LRRC23: variants seen among roughly 807,000 people sequenced by gnomAD.
LRRC23 encodes leucine-rich repeat-containing protein 23.
In LRRC23, 28 loss-of-function variants were observed where a neutral mutation model predicts 37.7. The ratio of observed to expected loss-of-function variants is 0.74; its 90% CI spans 0.55 to 1.02. The LOEUF is 1.02. Among genes scored for constraint, LRRC23 ranks in the 50% least tolerant of loss-of-function variants. The pLI is 0.00. For synonymous variants in LRRC23, 161 were observed against 165.4 expected (o/e 0.97, Z 0.20); for missense variants, 377 against 413.2 (o/e 0.91, Z 0.76).
rs368824546 is a variant in LRRC23, at chr12:6,909,839, T to C, written c.622-51T>C. 7 of 1,547,152 alleles carry C rather than the reference T, an allele frequency of 4.5e-6. No homozygotes were observed. In the African/African-American group the frequency reaches 6.9e-5, roughly 15 times the overall value. On this transcript the variant is annotated intron_variant, in intron 5 of 7. Transcript: ENST00000443597. ...TTTATCTCATTCTGACTTCTCTTTC[T>C]TCCCTATCCCTGCTCCCTCTCAATC...
At chr12:6,908,322 C>T (rs961134068) in intron 5 of LRRC23, among the ~76,000 whole-genome samples, 6 of 152,086 alleles carry the variant, frequency 3.9e-5, no homozygotes, top group East Asian at 1.9e-4. Flanking sequence ...TCAGGCCGGG[C>T]GCGGTGGCTC....
chr12:6,913,840 G>A, intron 7 of LRRC23, 51 bp from the exon 8 acceptor site: 12 of 1,403,634 alleles, frequency 8.5e-6, no homozygotes, highest in Non-Finnish European at 1.2e-5. Flanking sequence ...TGGGATTACA[G>A]GGGTGAGCCA....
intron 5 of LRRC23, among the ~76,000 whole-genome samples, chr12:6,908,613 A>AAACAAAAAAC (rs1945011057): frequency 1.7e-5 from 2 of 118,270 alleles, no homozygotes; most frequent in African/African-American, 8.1e-5. Flanking sequence ...AAAAAAAAAA[A>AAACAAAAAAC]AAAAAAACCA....
rs782183377 is a variant in LRRC23, at chr12:6,913,012, C to G, written c.*9C>G. ...AACAGTCATTGATCTAGCAGCAGTTCTAGCCTCTAAAGATAGTAAGGAAGC... is the reference window on the plus strand; with the variant it reads ...AACAGTCATTGATCTAGCAGCAGTTGTAGCCTCTAAAGATAGTAAGGAAGC... On this transcript the variant is annotated 3_prime_UTR_variant, in exon 7 of 8. Transcript: ENST00000443597. The G allele has an allele frequency of 1.2e-6, 2 of 1,612,708 alleles. No homozygotes were observed. The highest frequency in any genetic ancestry group is 1.3e-5 in the African/African-American group (1 of 74,812).
chr12:6,913,203 G>A, intron 7 of LRRC23, 176 bp downstream of exon 7: 3 of 633,086 alleles, frequency 4.7e-6, no homozygotes, highest in Non-Finnish European at 8.1e-6. Context: ...CAAGGGGCCT[G>A]GGACCAGCTG....
chr12:6,909,791 A>G (rs1945113917), intron 5 of LRRC23, 99 bp from the exon 6 acceptor site: 3 of 1,160,286 alleles, frequency 2.6e-6, no homozygotes. Context: ...CTCCCTCTCT[A>G]CCTCTTGGAT....
intron 7 of LRRC23, among the ~76,000 whole-genome samples, chr12:6,913,555 G>GTTTTTTTTTTTT (rs869177982): frequency 1.4e-4 from 11 of 76,362 alleles, no homozygotes; most frequent in South Asian, 4.7e-4. Flanking sequence ...ACCTCTGTTT[G>GTTTTTTTTTTTT]TTTTTTTTTT....
Position 6,908,368 on chromosome 12 carries a change from G to A in LRRC23, c.621+923G>A, listed in dbSNP as rs911066189. On this transcript the variant is annotated intron_variant, in intron 5 of 7. Coordinates refer to ENST00000443597, the MANE Select transcript of LRRC23 (RefSeq NM_001135217.2). ...TCCCAGCACTTTGGGAGGCTGAGGCGGGCGGATCACCTGAGGTCCGGAGTT... is the reference window on the plus strand; with the variant it reads ...TCCCAGCACTTTGGGAGGCTGAGGCAGGCGGATCACCTGAGGTCCGGAGTT... Among the ~76,000 whole-genome samples, 38 of 151,748 alleles carry A rather than the reference G, an allele frequency of 2.5e-4. 1 individual carries two copies. The highest frequency in any genetic ancestry group is 5.0e-4 in the Non-Finnish European group (34 of 67,922).
Position 6,905,581 on chromosome 12 carries a change from T to C in LRRC23, c.-49-4T>C. 6.3e-7 allele frequency: 1 copy of C among 1,598,864 alleles called. No individual in the cohort carries two copies. On this transcript the variant is annotated splice_polypyrimidine_tract_variant and splice_region_variant and intron_variant, in intron 1 of 7. Transcript: ENST00000443597. ...GCAGAAGCTGATGAGACCTTCTTTTTCAGGAGGAGGACTGAGCTTATCTGA... is the reference window on the plus strand; with the variant it reads ...GCAGAAGCTGATGAGACCTTCTTTTCCAGGAGGAGGACTGAGCTTATCTGA...
chr12:6,913,721 C>A, intron 7 of LRRC23, 170 bp from the exon 8 acceptor site: 2 of 473,730 alleles, frequency 4.2e-6, no homozygotes, highest in Non-Finnish European at 7.4e-6. Flanking sequence ...CATGCAACCG[C>A]GCCTGGCTAA....
chr12:6,907,976 G>T (rs1944990143), intron 5 of LRRC23, among the ~76,000 whole-genome samples: 1 of 152,184 alleles, frequency 6.6e-6, no homozygotes, highest in Admixed American at 6.5e-5. Flanking sequence ...GCAAGTCCAA[G>T]CCTCCAGAAC....
At chr12:6,913,271 A>T in intron 7 of LRRC23, 1 of 444,788 alleles carries the variant, frequency 2.2e-6, no homozygotes, top group Non-Finnish European at 4.1e-6. Flanking sequence ...CAGGCAGAGG[A>T]GTTGGTGGGG....
At chr12:6,913,549 C>G (rs1306831007) in intron 7 of LRRC23, among the ~76,000 whole-genome samples, 1 of 60,076 alleles carries the variant, frequency 1.7e-5, no homozygotes, top group Non-Finnish European at 2.7e-5. Context: ...TTATTTACCT[C>G]TGTTTGTTTT....
intron 6 of LRRC23, among the ~76,000 whole-genome samples, chr12:6,910,749 A>G (rs1330237145): frequency 7.2e-5 from 11 of 151,792 alleles, no homozygotes; most frequent in Middle Eastern, 3.4e-3. Context: ...AAATTAAAAT[A>G]TTAAATTAAA....
At chr12:6,909,807 C>G in intron 5 of LRRC23, 83 bp from the exon 6 acceptor site, 1 of 1,360,668 alleles carries the variant, frequency 7.3e-7, no homozygotes. Flanking sequence ...TGGATTTCCT[C>G]TTTTGCTTTA....
At chr12:6,906,050 C>A in intron 3 of LRRC23, 96 bp downstream of exon 3, 1 of 1,089,162 alleles carries the variant, frequency 9.2e-7, no homozygotes, top group South Asian at 1.3e-5. Context: ...GAGAGTTTGA[C>A]TCTTCTCATG....
chr12:6,906,790 A>G (rs1416422704), intron 4 of LRRC23, 128 bp downstream of exon 4: 16 of 1,010,030 alleles, frequency 1.6e-5, no homozygotes, highest in Admixed American at 1.1e-4. Context: ...GATACGCAAT[A>G]TGATTCATTA....
At chr12:6,909,114 CAT>C (rs1945044541) in intron 5 of LRRC23, among the ~76,000 whole-genome samples, 2 of 5,372 alleles carry the variant, frequency 3.7e-4, no homozygotes, top group Non-Finnish European at 5.8e-4. Flanking sequence ...TATATAATTA[CAT>C]ATAATATATA....
chr12:6,912,922 G>C lies in LRRC23; in HGVS notation c.951G>C (p.Val317=). 6 of 1,614,114 alleles carry C rather than the reference G, an allele frequency of 3.7e-6. No individual in the cohort carries two copies. The highest frequency in any genetic ancestry group is 5.1e-6 in the Non-Finnish European group (6 of 1,180,024). Residue 317 remains valine (V), a synonymous_variant, in exon 7 of 8, where the codon GTG becomes GTC. Coordinates refer to ENST00000443597, the MANE Select transcript of LRRC23 (RefSeq NM_001135217.2). The stretch of plus-strand genomic sequence containing the variant: ...AGGAGGAACGGGCTGAGGCTGATGT[G>C]ATTCGACAGAGGCTGAAGGAAGAAA... ...YEEEERAEAD[V]IRQRLKEEKE... is the part of the protein sequence containing the mutation.
Sources: allele counts gnomAD v4.1 joint callset (sites outside exome capture counted in the v4.1 genomes callset), GRCh38; gene constraint gnomAD v4.1.1; transcripts MANE v1.5; gene names NCBI Gene and HGNC (gene_info 2026-07-23, HGNC 2026-07-21).